The following FDFT1 variants were observed in gnomAD, a reference collection of about 807,000 sequenced individuals.
FDFT1 encodes squalene synthase.
Under a neutral mutation model 46.8 loss-of-function variants are expected in FDFT1, and 68 were observed. That is an observed-to-expected ratio of 1.45 (90% CI 1.19 to 1.78). The LOEUF (loss-of-function observed/expected upper bound fraction) is 1.78. FDFT1 is among the 40% of genes most tolerant of loss of function. The pLI is 0.00. For missense variants in FDFT1, 928 were observed against 524.4 expected, an observed-to-expected ratio of 1.77 and a Z score of -7.52; for synonymous variants, 351 against 185.1, an observed-to-expected ratio of 1.90 and a Z score of -7.28.
intron 1 of FDFT1, among the ~76,000 whole-genome samples, chr8:11,806,833 C>T (rs1017434587): frequency 3.9e-5 from 6 of 152,110 alleles, no homozygotes; most frequent in African/African-American, 1.4e-4. Flanking sequence ...CGATGAATGT[C>T]TTCATTTATT....
At chr8:11,832,601 A>C (rs1810991421) in intron 7 of FDFT1, among the ~76,000 whole-genome samples, 1 of 147,920 alleles carries the variant, frequency 6.8e-6, no homozygotes, top group Admixed American at 6.8e-5. Flanking sequence ...AAGTCTTTGT[A>C]ATCTCTAATA....
intron 7 of FDFT1, among the ~76,000 whole-genome samples, chr8:11,832,589 A>G (rs1397499450): frequency 1.4e-5 from 2 of 145,510 alleles, no homozygotes; most frequent in African/African-American, 5.0e-5. Flanking sequence ...CTTAGAGACC[A>G]GAAGTCTTTG....
At chr8:11,817,010 A>T (rs538072728) in intron 3 of FDFT1, among the ~76,000 whole-genome samples, 1 of 152,212 alleles carries the variant, frequency 6.6e-6, no homozygotes, top group Admixed American at 6.5e-5. Context: ...TGGGTTTGTC[A>T]TAAATAGCTC....
rs373559985 is a variant in FDFT1, at chr8:11,838,278, C to T, written c.1033-110C>T. The T allele has an allele frequency of 3.8e-5, 31 of 812,442 alleles. No individual in the cohort carries two copies. The Middle Eastern group carries it at 8.8e-4, about 23-fold the overall frequency. 50.3% of individuals were successfully genotyped at this position (812,442 alleles called of 1,614,324 possible). The stretch of plus-strand genomic sequence containing the variant: ...GTTCATGTTCTCTGAGCCTCCCTTT[C>T]CTCATTGGTAAAATGGGTATAAAAT... On this transcript the variant is annotated intron_variant, in intron 7 of 7. Coordinates refer to ENST00000220584, the MANE Select transcript of FDFT1 (RefSeq NM_004462.5).
intron 4 of FDFT1, among the ~76,000 whole-genome samples, chr8:11,822,188 C>A (rs1809346956): frequency 6.6e-6 from 1 of 152,114 alleles, no homozygotes. Context: ...AGGAGTCTTG[C>A]CTATTTTTCA....
At chr8:11,824,116 G>A (rs1809636896) in intron 4 of FDFT1, among the ~76,000 whole-genome samples, 1 of 152,104 alleles carries the variant, frequency 6.6e-6, no homozygotes, top group Admixed American at 6.6e-5. Flanking sequence ...CCTCTCCACA[G>A]CCTCCCAAAA....
chr8:11,825,058 G>T (rs941634720), intron 4 of FDFT1, among the ~76,000 whole-genome samples: 3 of 152,160 alleles, frequency 2.0e-5, no homozygotes, highest in African/African-American at 7.2e-5. Flanking sequence ...TCTTAAAACC[G>T]TGTCAAGAAC....
rs771944702 is a variant in FDFT1, at chr8:11,831,514, C to T, written c.880-4C>T. 1 of 1,613,502 alleles carries T rather than the reference C, an allele frequency of 6.2e-7. No homozygotes were observed. Among genetic ancestry groups the T allele is most frequent in the Non-Finnish European group, 8.5e-7 (1 of 1,179,690 alleles). The stretch of plus-strand genomic sequence containing the variant: ...TTTTTTCCCTCTCTTCTTGTTGTCT[C>T]TAGGTGATGGCCATTGCCACTTTGG... On this transcript the variant is annotated splice_region_variant and splice_polypyrimidine_tract_variant and intron_variant, in intron 6 of 7. Coordinates refer to ENST00000220584, the MANE Select transcript of FDFT1 (RefSeq NM_004462.5).
At chr8:11,822,039 A>G (rs1809325243) in intron 4 of FDFT1, among the ~76,000 whole-genome samples, 161 bp downstream of exon 4, 1 of 152,220 alleles carries the variant, frequency 6.6e-6, no homozygotes. Flanking sequence ...AGTTTATTCC[A>G]GAGTTAATTC....
upstream of FDFT1, among the ~76,000 whole-genome samples, chr8:11,798,832 C>T (rs56187811): frequency 0.054 from 8,186 of 152,244 alleles, 309 homozygotes; most frequent in Middle Eastern, 0.082. Flanking sequence ...TGTGTCGTCA[C>T]TGAGCTTAGA....
chr8:11,838,789 G>A lies in FDFT1; in HGVS notation c.*180G>A. The A allele has an allele frequency of 3.3e-6, 2 of 611,676 alleles. No individual in the cohort carries two copies. Among genetic ancestry groups the A allele is most frequent in the East Asian group, 5.7e-5 (2 of 35,198 alleles). The allele number at this position is 611,676 out of a possible 1,614,324, so 37.9% of individuals were successfully genotyped here. ...AGAAGAACCTAAACATGAAAGGAAA[G>A]GGTGCCTCATCCCAGCAACCTGTCC... On this transcript the variant is annotated 3_prime_UTR_variant, in exon 8 of 8. Coordinates refer to ENST00000220584, the MANE Select transcript of FDFT1 (RefSeq NM_004462.5).
upstream of FDFT1, among the ~76,000 whole-genome samples, chr8:11,800,105 G>A (rs761381984): frequency 3.4e-5 from 5 of 146,706 alleles, no homozygotes; most frequent in East Asian, 2.0e-4. Context: ...ACTAAAAATC[G>A]AAAAATTACC....
At chr8:11,804,845 G>C (rs111536774) in intron 1 of FDFT1, among the ~76,000 whole-genome samples, 43 of 151,226 alleles carry the variant, frequency 2.8e-4, no homozygotes, top group African/African-American at 9.7e-4. Context: ...TTGACCTCAA[G>C]TGATCTGCTC....
rs1811791760 is a variant in FDFT1 at position 11,838,129 on chromosome 8, C to T, written c.1033-259C>T. Among the ~76,000 whole-genome samples the T allele has an allele frequency of 2.0e-5, 3 of 152,164 alleles. No individual in the cohort carries two copies. The South Asian group carries it at 6.2e-4, about 31-fold the overall frequency. On this transcript the variant is annotated intron_variant, in intron 7 of 7. Coordinates refer to ENST00000220584, the MANE Select transcript of FDFT1 (RefSeq NM_004462.5). ...GAAGATCATTGTGGCTCAGCCGCTG[C>T]TCTCGAGGGCCTCTGGGTGCAGTAT...
rs531759815 is a variant in FDFT1 at position 11,832,551 on chromosome 8, C to CAAAAA, written c.1032+902_1032+906dup. The stretch of plus-strand genomic sequence containing the variant: ...TGGGTGATAGAGTGAGACTTTGTCT[C>CAAAAA]AAAAAAAAAAAAAAAAAAAAAAAAA... On this transcript the variant is annotated intron_variant, in intron 7 of 7. Transcript: ENST00000220584. Among the ~76,000 whole-genome samples, 49 of 36,372 alleles carry CAAAAA rather than the reference C, an allele frequency of 1.3e-3. 7 individuals carry two copies. The highest frequency in any genetic ancestry group is 2.8e-3 in the African/African-American group (34 of 12,216). 23.9% of individuals were successfully genotyped at this position (36,372 alleles called of 152,430 possible). A position where few individuals can be genotyped will look rare whatever the true frequency, so the allele number is the denominator to read the frequency against.
chr8:11,802,014 G>C (rs1424214997), upstream of FDFT1: 4 of 455,938 alleles, frequency 8.8e-6, no homozygotes, highest in Non-Finnish European at 4.4e-6. Flanking sequence ...TCTAGGGCTG[G>C]AGAGATCTAG....
rs150582967 is a variant in FDFT1, at chr8:11,818,920, A to G, written c.382-2830A>G. On this transcript the variant is annotated intron_variant, in intron 3 of 7. Coordinates refer to ENST00000220584, the MANE Select transcript of FDFT1 (RefSeq NM_004462.5). ...ATGATGTTTGCTGGTTATTTTGCCC[A>G]TTAATTGATGCAGTTTCTTCCTAGC... 5.3e-4 allele frequency among the ~76,000 whole-genome samples: 81 copies of G among 152,320 alleles called. No individual in the cohort carries two copies. In the East Asian group the frequency reaches 0.014, roughly 26 times the overall value.
intron 3 of FDFT1, among the ~76,000 whole-genome samples, chr8:11,813,225 A>C (rs1224008943): frequency 6.6e-6 from 1 of 152,216 alleles, no homozygotes; most frequent in Non-Finnish European, 1.5e-5. Context: ...GTACATGAGC[A>C]CGTATCTTTC....
intron 4 of FDFT1, among the ~76,000 whole-genome samples, chr8:11,822,636 AG>A (rs765267817): frequency 6.6e-6 from 1 of 152,126 alleles, no homozygotes; most frequent in Non-Finnish European, 1.5e-5. Context: ...CAACATAGCG[AG>A]ACCCCGTCTT....
Sources: gnomAD v4.1 joint callset for allele counts (sites outside exome capture counted in the v4.1 genomes callset) on GRCh38, gnomAD v4.1.1 for gene constraint, MANE v1.5 for transcripts, NCBI Gene and HGNC (gene_info 2026-07-23, HGNC 2026-07-21) for gene names.